Variants in PCDHGA2 observed in about 807,000 individuals in gnomAD.
PCDHGA2 encodes protocadherin gamma subfamily A, 2, also known as protocadherin gamma-A2.
PCDHGA2 carries 40 observed loss-of-function variants against 59.2 expected under a neutral mutation model. The ratio of observed to expected loss-of-function variants is 0.68; its 90% CI spans 0.52 to 0.88. The LOEUF is 0.88. Ranked by LOEUF, PCDHGA2 falls within the 40% of genes least tolerant of loss-of-function variation. The probability of loss-of-function intolerance (pLI) is 0.00; values close to 1 mark genes in which losing one functional copy is unlikely to be tolerated. For missense variants in PCDHGA2, 1,226 were observed against 1,204.0 expected, an observed-to-expected ratio of 1.02 and a Z score of -0.27; for synonymous variants, 560 against 526.0, an observed-to-expected ratio of 1.06 and a Z score of -0.89.
At chr5:141,473,809 A>C (rs1230574978) in intron 1 of PCDHGA2, among the ~76,000 whole-genome samples, 2 of 152,242 alleles carry the variant, frequency 1.3e-5, no homozygotes, top group East Asian at 3.8e-4. Flanking sequence ...ACTGAGGAGC[A>C]GCTGGACAAT....
In PCDHGA2 at chr5:141,432,512, G is replaced by A. The variant is rs751785850; in HGVS notation, c.2425-62295G>A. ...GCTGGCTCCCCGCTCCGCAGAGCCC[G>A]GCTACCTGGTGACCAAGGTGGTGGC... On this transcript the variant is annotated intron_variant, in intron 1 of 3. Transcript: ENST00000394576. The surrounding 1 kb of genome is among the most constrained non-coding windows in gnomAD (Gnocchi z 6.0). 3 of 1,614,108 alleles carry A rather than the reference G, an allele frequency of 1.9e-6. No homozygotes were observed. Among genetic ancestry groups the A allele is most frequent in the Non-Finnish European group, 2.5e-6 (3 of 1,180,030 alleles).
chr5:141,388,326 C>T, intron 1 of PCDHGA2: 1 of 1,613,878 alleles, frequency 6.2e-7, no homozygotes, highest in Non-Finnish European at 8.5e-7. Context: ...GTCTGCACAG[C>T]CTGGCACACG....
chr5:141,508,269 C>G (rs1459186158), intron 3 of PCDHGA2: 1 of 152,186 alleles, frequency 6.6e-6, no homozygotes, highest in Non-Finnish European at 1.5e-5. Flanking sequence ...GAGAAAATCC[C>G]GGTCCTTGAC....
chr5:141,415,375 G>A (rs1453832867), intron 1 of PCDHGA2: 12 of 1,614,258 alleles, frequency 7.4e-6, no homozygotes, highest in South Asian at 1.1e-5. Context: ...GGCTTCAGGA[G>A]GCGGCTTGAC....
chr5:141,370,840 G>C, intron 1 of PCDHGA2: 2 of 1,614,022 alleles, frequency 1.2e-6, no homozygotes, highest in Non-Finnish European at 1.7e-6. Flanking sequence ...GCTCTCACTG[G>C]AGCCACATTT....
intron 1 of PCDHGA2, chr5:141,403,102 G>A (rs765706858): frequency 9.3e-6 from 15 of 1,613,928 alleles, no homozygotes; most frequent in Non-Finnish European, 1.3e-5. Flanking sequence ...ACATCTCCAA[G>A]GACCTGGCTC....
chr5:141,340,463 G>C lies in PCDHGA2; in HGVS notation c.1492G>C (p.Gly498Arg), dbSNP rs138736929. The C allele has an allele frequency of 4.1e-4, 664 of 1,614,144 alleles. No homozygotes were observed. Among genetic ancestry groups the C allele is most frequent in the Non-Finnish European group, 5.4e-4 (641 of 1,180,014 alleles). Residue 498 changes from glycine to arginine, a missense_variant, in exon 1 of 4, where the codon GGG becomes CGG. Transcript: ENST00000394576. ...CTCTTTCGCGGAGGACACTGTTCAG[G>C]GGGCACCCTTATCCTCTTACATCTC... is the stretch of plus-strand genomic sequence containing the variant. ...TYSFAEDTVQ[G>R]APLSSYISIN...
At chr5:141,420,160 T>G in intron 1 of PCDHGA2, 1 of 1,614,044 alleles carries the variant, frequency 6.2e-7, no homozygotes, top group Non-Finnish European at 8.5e-7. Flanking sequence ...AATTTAATTT[T>G]TTCACATCTG....
intron 1 of PCDHGA2, among the ~76,000 whole-genome samples, chr5:141,453,135 A>G (rs932061368): frequency 6.6e-6 from 1 of 151,778 alleles, no homozygotes; most frequent in Non-Finnish European, 1.5e-5. Context: ...TGTTTTTGAG[A>G]TAGGGTCTCG....
rs1444171664 is a variant in PCDHGA2, at chr5:141,477,015, T to G, written c.2425-17792T>G. The G allele has an allele frequency of 1.2e-6, 2 of 1,614,210 alleles. No homozygotes were observed. Among genetic ancestry groups the G allele is most frequent in the Non-Finnish European group, 1.7e-6 (2 of 1,180,038 alleles). On this transcript the variant is annotated intron_variant, in intron 1 of 3. Coordinates refer to ENST00000394576, the MANE Select transcript of PCDHGA2 (RefSeq NM_018915.4). This position sits in a 1 kb window ranked among gnomAD's most constrained non-coding sequence, Gnocchi z 4.9. ...CGGCAACTATTCGCCTTAGACCTTG[T>G]AACCGGGATGCTGACAATCAAGGGT...
At chr5:141,364,666 C>T in intron 1 of PCDHGA2, 2 of 1,614,024 alleles carry the variant, frequency 1.2e-6, no homozygotes, top group South Asian at 1.1e-5. Flanking sequence ...TGGTTGAGAA[C>T]AAAATGAAAA....
At position 141,509,122 on chromosome 5, in the gene PCDHGA2, G is replaced by A. The variant is rs2099875312; in HGVS notation, c.2573-1825G>A. 2.0e-5 allele frequency among the ~76,000 whole-genome samples: 3 copies of A among 152,154 alleles called. No homozygotes were observed. In the South Asian group the frequency reaches 6.2e-4, roughly 32 times the overall value. The stretch of plus-strand genomic sequence containing the variant: ...AGAAACCTGAGCGCTGGTGCGTGAA[G>A]AGAAAAACCGAGGCGCATCCCGGCT... On this transcript the variant is annotated intron_variant, in intron 3 of 3. Transcript: ENST00000394576.
chr5:141,385,095 G>A (rs1780850874), intron 1 of PCDHGA2: 9 of 1,614,202 alleles, frequency 5.6e-6, no homozygotes, highest in East Asian at 4.5e-5. Context: ...AAGGTGGCTT[G>A]GCGAACGTGC....
chr5:141,499,836 A>G (rs2099794751), intron 2 of PCDHGA2, among the ~76,000 whole-genome samples: 1 of 151,894 alleles, frequency 6.6e-6, no homozygotes, highest in African/African-American at 2.4e-5. Flanking sequence ...ACAGGTGTGC[A>G]CCACCACACA....
chr5:141,372,258 C>T (rs762173867), intron 1 of PCDHGA2: 1 of 1,613,070 alleles, frequency 6.2e-7, no homozygotes, highest in African/African-American at 1.3e-5. Context: ...CCTGGGCCTG[C>T]GCACGGGTGA....
At chr5:141,441,763 G>A in intron 1 of PCDHGA2, 1 of 384,020 alleles carries the variant, frequency 2.6e-6, no homozygotes, top group Non-Finnish European at 5.2e-6. Flanking sequence ...GTGAGCCTGC[G>A]CGTGTTGGTG....
intron 1 of PCDHGA2, chr5:141,395,376 T>G (rs1589259426): frequency 1.7e-6 from 2 of 1,180,196 alleles, no homozygotes; most frequent in East Asian, 5.2e-5. Flanking sequence ...TTTGGTGGTG[T>G]TACTATAAAA....
chr5:141,371,913 G>A lies in PCDHGA2; in HGVS notation c.2424+30518G>A, dbSNP rs569737317. ...GCGGGAGCTGTCGTCCTACGTGTCC[G>A]TGAGCGCGCGGAGCGGGGTGGTGTT... is the stretch of plus-strand genomic sequence containing the variant. On this transcript the variant is annotated intron_variant, in intron 1 of 3. Transcript: ENST00000394576. 28 of 1,613,394 alleles carry A rather than the reference G, an allele frequency of 1.7e-5. No homozygotes were observed. The highest frequency in any genetic ancestry group is 1.6e-4 in the African/African-American group (12 of 75,086).
At chr5:141,382,900 A>G (rs564801333) in intron 1 of PCDHGA2, 1 of 1,542,254 alleles carries the variant, frequency 6.5e-7, no homozygotes, top group South Asian at 1.3e-5. Context: ...CAGGACGACT[A>G]TGGCGGCTCA....
Sources: gnomAD v4.1 joint callset for allele counts (sites outside exome capture counted in the v4.1 genomes callset) on GRCh38, gnomAD v4.1.1 for gene constraint, Gnocchi (gnomAD v3.1) non-coding constraint, MANE v1.5 for transcripts, NCBI Gene and HGNC (gene_info 2026-07-23, HGNC 2026-07-21) for gene names.